Variants in STXBP5L observed in about 807,000 individuals in gnomAD.
STXBP5L encodes the protein syntaxin binding protein 5L.
STXBP5L carries 65 observed loss-of-function variants against 144.5 expected under a neutral mutation model. The ratio of observed to expected loss-of-function variants is 0.45; its 90% CI spans 0.37 to 0.55. The LOEUF (loss-of-function observed/expected upper bound fraction) is 0.55. STXBP5L is among the 20% of genes least tolerant of loss of function. The probability of loss-of-function intolerance (pLI) is 0.00; values close to 1 mark genes in which losing one functional copy is unlikely to be tolerated. For synonymous variants in STXBP5L, 505 were observed against 469.6 expected, an observed-to-expected ratio of 1.08 and a Z score of -0.97; for missense variants, 1,298 against 1,405.5, an observed-to-expected ratio of 0.92 and a Z score of 1.22.
rs182300861 is a variant in STXBP5L at position 121,422,880 on chromosome 3, C to T, written c.*3783C>T. 1 of 152,150 alleles carries T rather than the reference C, an allele frequency of 6.6e-6. No individual in the cohort carries two copies. The highest frequency in any genetic ancestry group is 6.5e-5 in the Admixed American group (1 of 15,280). 9.4% of individuals were successfully genotyped at this position (152,150 alleles called of 1,614,324 possible). A position where few individuals can be genotyped will look rare whatever the true frequency, so the allele number is the denominator to read the frequency against. On this transcript the variant is annotated 3_prime_UTR_variant, in exon 27 of 27. Transcript: ENST00000471454. ...ACCAGTTTTAAAGGCATCATCTATA[C>T]TTTATCTACATGAAGGGATCACCAT...
chr3:121,063,407 A>T (rs1007633231), intron 5 of STXBP5L, among the ~76,000 whole-genome samples: 1 of 152,082 alleles, frequency 6.6e-6, no homozygotes, highest in African/African-American at 2.4e-5. Flanking sequence ...TGTCAGCTGG[A>T]GCTCTCCTGT....
chr3:121,111,646 A>T (rs959489857), intron 5 of STXBP5L, among the ~76,000 whole-genome samples: 3 of 152,112 alleles, frequency 2.0e-5, no homozygotes, highest in Non-Finnish European at 4.4e-5. Context: ...TCCAGCAGGA[A>T]TGGTCCTAAA....
intron 3 of STXBP5L, among the ~76,000 whole-genome samples, chr3:120,971,858 G>A (rs995320357): frequency 4.6e-5 from 7 of 150,990 alleles, no homozygotes; most frequent in African/African-American, 1.7e-4. Context: ...TAATATCCAT[G>A]CGCACACATG....
chr3:121,310,554 G>C (rs1044657494), intron 19 of STXBP5L, among the ~76,000 whole-genome samples: 1 of 152,060 alleles, frequency 6.6e-6, no homozygotes, highest in Non-Finnish European at 1.5e-5. Flanking sequence ...GGCAGAGCTT[G>C]TAGTGAGCCG....
chr3:120,994,104 G>A (rs763177176), intron 3 of STXBP5L, among the ~76,000 whole-genome samples: 5 of 151,852 alleles, frequency 3.3e-5, no homozygotes, highest in Non-Finnish European at 5.9e-5. Context: ...CATAATTGAT[G>A]TATAGAAATG....
chr3:121,015,748 G>A (rs569068569), intron 3 of STXBP5L, among the ~76,000 whole-genome samples: 15 of 152,068 alleles, frequency 9.9e-5, no homozygotes, highest in Non-Finnish European at 1.3e-4. Context: ...TGGAAAAAAG[G>A]CTTTACTAGA....
At chr3:121,381,654 C>A in intron 22 of STXBP5L, 122 bp downstream of exon 22, 1 of 1,297,386 alleles carries the variant, frequency 7.7e-7, no homozygotes, top group Non-Finnish European at 1.0e-6. Context: ...ACAATGGGAA[C>A]TATTAAGAAT....
chr3:121,038,984 C>A (rs1473125756), intron 3 of STXBP5L, among the ~76,000 whole-genome samples: 1 of 151,482 alleles, frequency 6.6e-6, no homozygotes, highest in Non-Finnish European at 1.5e-5. Flanking sequence ...ATATATTAAC[C>A]TATTTGTATA....
intron 2 of STXBP5L, among the ~76,000 whole-genome samples, chr3:120,925,452 T>C (rs1406889347): frequency 6.6e-6 from 1 of 152,210 alleles, no homozygotes; most frequent in Non-Finnish European, 1.5e-5. Flanking sequence ...ATTTGTAGTG[T>C]ATTTCATCTG....
At chr3:120,965,655 T>G (rs1252334446) in intron 3 of STXBP5L, among the ~76,000 whole-genome samples, 5 of 152,230 alleles carry the variant, frequency 3.3e-5, no homozygotes, top group African/African-American at 1.2e-4. Flanking sequence ...GTTGTTAGTC[T>G]GATGGGCTTC....
chr3:121,342,265 A>G (rs2108585376), intron 20 of STXBP5L, among the ~76,000 whole-genome samples: 1 of 152,240 alleles, frequency 6.6e-6, no homozygotes, highest in African/African-American at 2.4e-5. Context: ...AAAAACCTAA[A>G]AGTAAATTAA....
At chr3:121,303,331 C>T (rs1046028771) in intron 19 of STXBP5L, among the ~76,000 whole-genome samples, 6 of 151,710 alleles carry the variant, frequency 4.0e-5, no homozygotes, top group South Asian at 2.1e-4. Flanking sequence ...CAATGAGATA[C>T]CATCTCACAC....
At chr3:121,403,369 A>G (rs2046926499) in intron 22 of STXBP5L, among the ~76,000 whole-genome samples, 1 of 152,198 alleles carries the variant, frequency 6.6e-6, no homozygotes, top group East Asian at 1.9e-4. Flanking sequence ...TATTCCACTT[A>G]TACTCTAGAC....
At chr3:121,011,535 C>T (rs1396346782) in intron 3 of STXBP5L, among the ~76,000 whole-genome samples, 1 of 151,638 alleles carries the variant, frequency 6.6e-6, no homozygotes, top group Non-Finnish European at 1.5e-5. Context: ...TCCTCTCAAG[C>T]TTCATCCTCA....
At chr3:120,971,765 T>A (rs1241948710) in intron 3 of STXBP5L, among the ~76,000 whole-genome samples, 1 of 131,902 alleles carries the variant, frequency 7.6e-6, no homozygotes, top group Admixed American at 8.6e-5. Context: ...TTTATATATG[T>A]GTATATATGT....
intron 19 of STXBP5L, among the ~76,000 whole-genome samples, chr3:121,314,676 C>A (rs1424922163): frequency 6.6e-6 from 1 of 152,032 alleles, no homozygotes; most frequent in East Asian, 1.9e-4. Flanking sequence ...GCAAAAGAAA[C>A]TACCATCAGA....
chr3:121,031,559 A>G (rs1238847489), intron 3 of STXBP5L, among the ~76,000 whole-genome samples: 1 of 152,096 alleles, frequency 6.6e-6, no homozygotes, highest in Non-Finnish European at 1.5e-5. Context: ...TGGAGTCAGA[A>G]TTCTTTCTCA....
At chr3:121,167,983 G>A (rs776116109) in intron 9 of STXBP5L, among the ~76,000 whole-genome samples, 1 of 152,114 alleles carries the variant, frequency 6.6e-6, no homozygotes, top group Non-Finnish European at 1.5e-5. Flanking sequence ...CCAGAGGAAG[G>A]ACCAGGCAGC....
chr3:121,058,155 G>A (rs1376341158), intron 5 of STXBP5L, among the ~76,000 whole-genome samples: 1 of 152,112 alleles, frequency 6.6e-6, no homozygotes, highest in Non-Finnish European at 1.5e-5. Context: ...GGACCAGTGT[G>A]TGATATTCCC....
Sources: allele counts gnomAD v4.1 joint callset (sites outside exome capture counted in the v4.1 genomes callset), GRCh38; gene constraint gnomAD v4.1.1; transcripts MANE v1.5; gene names NCBI Gene and HGNC (gene_info 2026-07-23, HGNC 2026-07-21).